Variants in MYH2 observed in about 807,000 individuals in gnomAD.
The protein encoded by MYH2 is myosin heavy chain 2.
In MYH2, 139 loss-of-function variants were observed where a neutral mutation model predicts 228.1. That is an observed-to-expected ratio of 0.61 (90% CI 0.53 to 0.70). MYH2 has a LOEUF of 0.70. MYH2 is among the 30% of genes least tolerant of loss of function. The pLI is 0.00. For synonymous variants in MYH2, 796 were observed against 871.1 expected (o/e 0.91, Z 1.52); for missense variants, 1,809 against 2,357.5 (o/e 0.77, Z 4.82).
intron 21 of MYH2, 90 bp from the exon 22 acceptor site, chr17:10,531,978 T>G (rs1369698803): frequency 3.3e-6 from 5 of 1,508,104 alleles, no homozygotes; most frequent in Non-Finnish European, 4.6e-6. Flanking sequence ...TGCTTCACCT[T>G]GTTCCTACTC....
At chr17:10,542,095 G>T (rs540600551) in intron 10 of MYH2, among the ~76,000 whole-genome samples, 72 of 152,264 alleles carry the variant, frequency 4.7e-4, no homozygotes, top group African/African-American at 1.7e-3. Context: ...ACAACATGGT[G>T]AAACCCCATC....
intron 16 of MYH2, 89 bp from the exon 17 acceptor site, chr17:10,536,695 G>A: frequency 8.0e-7 from 1 of 1,245,450 alleles, no homozygotes; most frequent in South Asian, 1.3e-5. Flanking sequence ...ATCGAGTGGA[G>A]CCTTTTTTCT....
chr17:10,546,112 T>G (rs1166220371), intron 4 of MYH2, among the ~76,000 whole-genome samples: 1 of 151,500 alleles, frequency 6.6e-6, no homozygotes, highest in Non-Finnish European at 1.5e-5. Flanking sequence ...TGGCCAACAG[T>G]AAGGGAATGG....
intron 14 of MYH2, among the ~76,000 whole-genome samples, chr17:10,538,336 CA>C (rs1417538009): frequency 6.6e-6 from 1 of 151,682 alleles, no homozygotes; most frequent in Non-Finnish European, 1.5e-5. Context: ...ATCAAGATAC[CA>C]AGTATTATAT....
In MYH2 at chr17:10,528,047, C is replaced by CTTTTTTT. The variant is rs71365770; in HGVS notation, c.3745-180_3745-174dup. ...AATGCAGAAAAATTTTTCTTTCTTTCTTTTTTTTTTTTTTTGAGACAGAGT... is the reference window on the plus strand; with the variant it reads ...AATGCAGAAAAATTTTTCTTTCTTTCTTTTTTTTTTTTTTTTTTTTTTGAGACAGAGT... On this transcript the variant is annotated intron_variant, in intron 27 of 39. Coordinates refer to ENST00000245503, the MANE Select transcript of MYH2 (RefSeq NM_017534.6). 6.8e-5 allele frequency among the ~76,000 whole-genome samples: 9 copies of CTTTTTTT among 131,856 alleles called. 1 individual carries two copies. In the East Asian group the frequency reaches 6.9e-4, roughly 10 times the overall value. 86.5% of individuals were successfully genotyped at this position (131,856 alleles called of 152,430 possible).
chr17:10,530,762 T>C (rs958549029), intron 22 of MYH2, among the ~76,000 whole-genome samples: 4 of 152,146 alleles, frequency 2.6e-5, no homozygotes, highest in Admixed American at 6.5e-5. Flanking sequence ...GTGTAACGAA[T>C]ACAGTGGTTT....
Position 10,547,611 on chromosome 17 carries a change from G to A in MYH2, c.212C>T (p.Thr71Ile), listed in dbSNP as rs145472283. Residue 71 changes from threonine (T) to isoleucine (I), a missense_variant, in exon 4 of 40, where the codon ACA (threonine) becomes ATA (isoleucine). Physicochemically the swap from Thr to Ile is moderately conservative, Grantham distance 89. Transcript: ENST00000245503. ...TVKTEGGATL[T>I]VKDDQVFPMN... ...GGGGAAGACCTGATCATCCTTCACT[G>A]TCAGAGTCTGGTAAACAGGAAAGAT... 2 of 1,614,060 alleles carry A rather than the reference G, an allele frequency of 1.2e-6. No individual in the cohort carries two copies. Among genetic ancestry groups the A allele is most frequent in the Middle Eastern group, 1.6e-4 (1 of 6,084 alleles).
rs1227344689 is a variant in MYH2 at position 10,549,630 on chromosome 17, A to G, written c.-64+6T>C. ...CTCTTGAAAGGCCCGTCCTGCTCCC[A>G]CTTACCTTGGAGCTTTTTAAAGCAG... On this transcript the variant is annotated splice_donor_region_variant and intron_variant, in intron 1 of 39. Transcript: ENST00000245503. 2.6e-5 allele frequency: 4 copies of G among 152,110 alleles called. No homozygotes were observed. Among genetic ancestry groups the G allele is most frequent in the African/African-American group, 4.8e-5 (2 of 41,420 alleles). 9.4% of individuals were successfully genotyped at this position (152,110 alleles called of 1,614,324 possible).
At chr17:10,545,566 T>C in intron 4 of MYH2, 64 bp from the exon 5 acceptor site, 2 of 1,597,532 alleles carry the variant, frequency 1.3e-6, no homozygotes, top group East Asian at 2.2e-5. Context: ...ATTAACTTAT[T>C]AATTGAATGT....
rs756281353 is a variant in MYH2 at position 10,539,315 on chromosome 17, C to T, written c.1306G>A (p.Glu436Lys). Residue 436 changes from glutamate (E) to lysine (K), a missense_variant, in exon 14 of 40, where the codon GAG becomes AAG. Coordinates refer to ENST00000245503, the MANE Select transcript of MYH2 (RefSeq NM_017534.6). The stretch of plus-strand genomic sequence containing the variant: ...GCAACCATCCACAGGAACATCTTCT[C>T]GTAGACGGCTTTGGCCAGAGCACCT... ...AVGALAKAVYEKMFLWMVARI... is the reference protein window; with the variant it reads ...AVGALAKAVYKKMFLWMVARI... 24 of 1,614,082 alleles carry T rather than the reference C, an allele frequency of 1.5e-5. No individual in the cohort carries two copies. The highest frequency in any genetic ancestry group is 3.3e-5 in the Admixed American group (2 of 60,004).
In MYH2 at chr17:10,533,329, T is replaced by C; in HGVS notation, c.2397A>G (p.Arg799=). ...GGTACTCCACTCTTGCCAAGAACCC[T>C]CTGCACCTGGCCTGGGTTCGGGTAA... is the stretch of plus-strand genomic sequence containing the variant. ...QLITRTQARC[R]GFLARVEYQR... Residue 799 remains arginine, a synonymous_variant, in exon 21 of 40, where the codon AGA becomes AGG. Transcript: ENST00000245503. The C allele has an allele frequency of 6.2e-7, 1 of 1,614,244 alleles. No individual in the cohort carries two copies. The highest frequency in any genetic ancestry group is 8.5e-7 in the Non-Finnish European group (1 of 1,180,024).
chr17:10,538,656 A>G (rs894247262), intron 14 of MYH2, among the ~76,000 whole-genome samples: 29 of 151,940 alleles, frequency 1.9e-4, no homozygotes, highest in African/African-American at 7.0e-4. Flanking sequence ...AAAAAAAAAA[A>G]AAAATCACCA....
chr17:10,523,918 G>C, intron 35 of MYH2, 34 bp from the exon 36 acceptor site: 1 of 1,603,560 alleles, frequency 6.2e-7, no homozygotes, highest in South Asian at 1.1e-5. Context: ...TTAAAAAATT[G>C]TGTTACCAAA....
chr17:10,543,695 T>A lies in MYH2; in HGVS notation c.741+16A>T. On this transcript the variant is annotated intron_variant, in intron 8 of 39. Coordinates refer to ENST00000245503, the MANE Select transcript of MYH2 (RefSeq NM_017534.6). The stretch of plus-strand genomic sequence containing the variant: ...GACCAGTGAACAGCATCTATTAGCG[T>A]GTCCAAGAGACTTACAAAGCGAGAG... 6.2e-7 allele frequency: 1 copy of A among 1,614,072 alleles called. No homozygotes were observed. Among genetic ancestry groups the A allele is most frequent in the East Asian group, 2.2e-5 (1 of 44,890 alleles).
In MYH2 at chr17:10,539,580, T is replaced by C. The variant is rs747652398; in HGVS notation, c.1148-18A>G. On this transcript the variant is annotated intron_variant, in intron 12 of 39. Coordinates refer to ENST00000245503, the MANE Select transcript of MYH2 (RefSeq NM_017534.6). ...GTCAGCAACTAAAAAGAAGAAAGAG[T>C]AGAACAATGTTATTGTGGCCCAAAG... is the stretch of plus-strand genomic sequence containing the variant. The C allele has an allele frequency of 1.9e-6, 3 of 1,596,070 alleles. No individual in the cohort carries two copies. The highest frequency in any genetic ancestry group is 2.6e-6 in the Non-Finnish European group (3 of 1,163,874).
chr17:10,541,866 A>G lies in MYH2; in HGVS notation c.904+1009T>C, dbSNP rs866530912. 2.6e-5 allele frequency among the ~76,000 whole-genome samples: 4 copies of G among 152,218 alleles called. No individual in the cohort carries two copies. The South Asian group carries it at 6.2e-4, about 24-fold the overall frequency. On this transcript the variant is annotated intron_variant, in intron 10 of 39. Transcript: ENST00000245503. ...ATTATTGGGGGTGGGTTCCCCCGAT[A>G]TCACATGATGCTTTGTTGATGACTG... is the stretch of plus-strand genomic sequence containing the variant.
chr17:10,535,597 T>C (rs1008618957), intron 17 of MYH2, among the ~76,000 whole-genome samples: 2 of 152,190 alleles, frequency 1.3e-5, no homozygotes, highest in African/African-American at 4.8e-5. Flanking sequence ...TCCTGGCATG[T>C]GCTTCTTTTC....
rs2073346099 is a variant in MYH2, at chr17:10,525,864, G to A, written c.4200C>T (p.Ala1400=). The change falls in exon 31 of 40, where the codon GCC becomes GCT. Residue 1400 remains alanine, a synonymous_variant. Coordinates refer to ENST00000245503, the MANE Select transcript of MYH2 (RefSeq NM_017534.6). This position sits in a 1 kb window ranked among gnomAD's most constrained non-coding sequence, Gnocchi z 4.2. The part of the protein sequence containing the change: ...EELEEAKKKL[A]QRLQAAEEHV... ...GTTCCTCAGCTGCCTGCAGCCGCTG[G>A]GCCAGCTTCTTCCTTGAATATTATA... 3 of 1,614,078 alleles carry A rather than the reference G, an allele frequency of 1.9e-6. No individual in the cohort carries two copies. The highest frequency in any genetic ancestry group is 2.5e-6 in the Non-Finnish European group (3 of 1,179,998).
At position 10,539,345 on chromosome 17, in the gene MYH2, C is replaced by T. The variant is rs778709891; in HGVS notation, c.1276G>A (p.Ala426Thr). 7.4e-6 allele frequency: 12 copies of T among 1,614,034 alleles called. No individual in the cohort carries two copies. The highest frequency in any genetic ancestry group is 2.2e-5 in the East Asian group (1 of 44,892). The change falls in exon 14 of 40, where the codon GCA becomes ACA. Residue 426 changes from alanine to threonine, a missense_variant. Around this residue, in one of 9 missense-constraint regions of MYH2, gnomAD observed 373 missense variants for 620.4 expected, o/e 0.60. Transcript: ENST00000245503. ...KGQTVEQVSN[A>T]VGALAKAVYE... is the part of the protein sequence containing the mutation. ...ACGGCTTTGGCCAGAGCACCTACTG[C>T]GTTGGACACCTTAAAAGACAAAATT... is the stretch of plus-strand genomic sequence containing the variant.
Sources: gnomAD v4.1 joint callset for allele counts (sites outside exome capture counted in the v4.1 genomes callset) on GRCh38, gnomAD v4.1.1 for gene constraint, gnomAD v4.1.1 regional missense constraint, Gnocchi (gnomAD v3.1) non-coding constraint, MANE v1.5 for transcripts, NCBI Gene and HGNC (gene_info 2026-07-23, HGNC 2026-07-21) for gene names.